Variants in TMEM201 observed in about 807,000 individuals in gnomAD.
TMEM201 encodes the protein transmembrane protein 201, also known as RP13-15M17.2.
Under a neutral mutation model 63.4 loss-of-function variants are expected in TMEM201, and 26 were observed. That is an observed-to-expected ratio of 0.41 (90% CI 0.30 to 0.57). The LOEUF is 0.57. Ranked by LOEUF, TMEM201 falls within the 20% of genes least tolerant of loss-of-function variation. The pLI, the probability that TMEM201 is intolerant of heterozygous loss-of-function variation, is 0.29. For missense variants in TMEM201, 794 were observed against 917.7 expected (o/e 0.87, Z 1.74); for synonymous variants, 417 against 421.6 (o/e 0.99, Z 0.14).
Position 9,602,933 on chromosome 1 carries a change from G to A in TMEM201, c.1160+661G>A, listed in dbSNP as rs149811501. On this transcript the variant is annotated intron_variant, in intron 6 of 10. Coordinates refer to ENST00000340381, the MANE Select transcript of TMEM201 (RefSeq NM_001130924.3). ...TGGCCTCCTGCTCCAAGACCCTCCC[G>A]AGTCCCCGGAAATGGAGAGTGCAGT... The A allele has an allele frequency of 2.4e-4, 232 of 985,588 alleles. No individual in the cohort carries two copies. In the African/African-American group the frequency reaches 3.4e-3, roughly 15 times the overall value. The allele number at this position is 985,588 out of a possible 1,614,324, so 61.1% of individuals were successfully genotyped here. A position where few individuals can be genotyped will look rare whatever the true frequency, so the allele number is the denominator to read the frequency against.
chr1:9,611,077 C>T lies in TMEM201; in HGVS notation c.1765+272C>T, dbSNP rs1050560339. The T allele has an allele frequency of 3.5e-5, 52 of 1,501,360 alleles. 1 individual carries two copies. The highest frequency in any genetic ancestry group is 4.2e-5 in the Non-Finnish European group (47 of 1,124,836). 93.0% of individuals were successfully genotyped at this position (1,501,360 alleles called of 1,614,324 possible). On this transcript the variant is annotated intron_variant, in intron 9 of 10. Coordinates refer to ENST00000340381, the MANE Select transcript of TMEM201 (RefSeq NM_001130924.3). ...AAAACACATCACGCATTGCCAGGTG[C>T]GTGTGGCCACAGATAGTTTCACTCA...
intron 4 of TMEM201, among the ~76,000 whole-genome samples, chr1:9,599,209 G>A (rs1644088237): frequency 6.6e-6 from 1 of 151,898 alleles, no homozygotes; most frequent in Non-Finnish European, 1.5e-5. Context: ...CAAAGTGCTG[G>A]GATTACAGGC....
chr1:9,598,838 G>A (rs1224801523), intron 4 of TMEM201, among the ~76,000 whole-genome samples: 4 of 151,904 alleles, frequency 2.6e-5, no homozygotes, highest in African/African-American at 4.8e-5. Flanking sequence ...TGGTAGAAAC[G>A]GGGTTTCTCC....
Position 9,596,887 on chromosome 1 carries a change from C to A in TMEM201, c.263C>A (p.Ala88Asp). The A allele has an allele frequency of 1.2e-6, 2 of 1,602,376 alleles. No homozygotes were observed. Among genetic ancestry groups the A allele is most frequent in the South Asian group, 1.1e-5 (1 of 90,496 alleles). Residue 88 changes from alanine (A) to aspartate (D), a missense_variant, in exon 3 of 11, where the codon GCC becomes GAC. Coordinates refer to ENST00000340381, the MANE Select transcript of TMEM201 (RefSeq NM_001130924.3). ...GGCGACTACAACAAGCCGATCCCCG[C>A]CCAGTACTTGGAGCACCTGAACCAC... ...ENGDYNKPIP[A>D]QYLEHLNHVV...
chr1:9,603,339 CATG>C lies in TMEM201; in HGVS notation c.1160+1069_1160+1071del, dbSNP rs1644182467. The stretch of plus-strand genomic sequence containing the variant: ...GCCAGCTCAGTGGGTGTGGGGATCA[CATG>C]AGGTGGCTCATGAGGACACACTCTG... On this transcript the variant is annotated intron_variant, in intron 6 of 10. Coordinates refer to ENST00000340381, the MANE Select transcript of TMEM201 (RefSeq NM_001130924.3). The surrounding 1 kb of genome is among the most constrained non-coding windows in gnomAD (Gnocchi z 4.5). The C allele has an allele frequency of 1.0e-6, 1 of 985,234 alleles. No homozygotes were observed. The highest frequency in any genetic ancestry group is 1.7e-5 in the African/African-American group (1 of 57,242). 61.0% of individuals were successfully genotyped at this position (985,234 alleles called of 1,614,324 possible). A position where few individuals can be genotyped will look rare whatever the true frequency, so the allele number is the denominator to read the frequency against.
Position 9,605,057 on chromosome 1 carries a change from G to A in TMEM201, c.1161-2500G>A, listed in dbSNP as rs1431662439. On this transcript the variant is annotated intron_variant, in intron 6 of 10. Transcript: ENST00000340381. The surrounding 1 kb of genome is among the most constrained non-coding windows in gnomAD (Gnocchi z 5.7). Reference sequence around the variant, plus strand: ...TGTTTGGGGTACAGACACGTCCACAGGAGTCAGGTTTGGGAGCCAGTGACA... The same window carrying A: ...TGTTTGGGGTACAGACACGTCCACAAGAGTCAGGTTTGGGAGCCAGTGACA... The A allele has an allele frequency of 1.0e-6, 1 of 981,916 alleles. No individual in the cohort carries two copies. Among genetic ancestry groups the A allele is most frequent in the African/African-American group, 1.7e-5 (1 of 57,174 alleles). The allele number at this position is 981,916 out of a possible 1,614,324, so 60.8% of individuals were successfully genotyped here. A position where few individuals can be genotyped will look rare whatever the true frequency, so the allele number is the denominator to read the frequency against.
chr1:9,595,365 G>A (rs1451030027), intron 1 of TMEM201, among the ~76,000 whole-genome samples: 1 of 152,206 alleles, frequency 6.6e-6, no homozygotes, highest in Non-Finnish European at 1.5e-5. Flanking sequence ...CACATCCTGG[G>A]ACTGTCTCTC....
rs1644074780 is a variant in TMEM201, at chr1:9,598,701, T to G, written c.606+76T>G. On this transcript the variant is annotated intron_variant, in intron 4 of 10. Coordinates refer to ENST00000340381, the MANE Select transcript of TMEM201 (RefSeq NM_001130924.3). ...GAAACCCTCCCAGGAGGCTGGGCACTAGTGACCAGAGGGTAGCTCTTCAGA... is the reference window on the plus strand; with the variant it reads ...GAAACCCTCCCAGGAGGCTGGGCACGAGTGACCAGAGGGTAGCTCTTCAGA... 4 of 1,456,402 alleles carry G rather than the reference T, an allele frequency of 2.7e-6. No individual in the cohort carries two copies. In the Admixed American group the frequency reaches 7.6e-5, roughly 28 times the overall value. The allele number at this position is 1,456,402 out of a possible 1,614,324, so 90.2% of individuals were successfully genotyped here. A position where few individuals can be genotyped will look rare whatever the true frequency, so the allele number is the denominator to read the frequency against.
At chr1:9,609,999 C>A in intron 8 of TMEM201, 88 bp downstream of exon 8, 1 of 1,259,812 alleles carries the variant, frequency 7.9e-7, no homozygotes, top group South Asian at 1.3e-5. Context: ...GCTTTGGGGT[C>A]AGACAGACCC....
rs759448369 is a variant in TMEM201, at chr1:9,605,919, T to G, written c.1161-1638T>G. Reference sequence around the variant, plus strand: ...CCTTTCACACATCCCCCAACGGTACTCTCAGGTCACTGGGGGACCTGGTCA... The same window carrying G: ...CCTTTCACACATCCCCCAACGGTACGCTCAGGTCACTGGGGGACCTGGTCA... On this transcript the variant is annotated intron_variant, in intron 6 of 10. Coordinates refer to ENST00000340381, the MANE Select transcript of TMEM201 (RefSeq NM_001130924.3). The surrounding 1 kb of genome is among the most constrained non-coding windows in gnomAD (Gnocchi z 5.7). Among the ~76,000 whole-genome samples, 2 of 152,154 alleles carry G rather than the reference T, an allele frequency of 1.3e-5. No individual in the cohort carries two copies. The highest frequency in any genetic ancestry group is 2.9e-5 in the Non-Finnish European group (2 of 68,014).
chr1:9,604,081 G>T lies in TMEM201; in HGVS notation c.1160+1809G>T. On this transcript the variant is annotated intron_variant, in intron 6 of 10. Coordinates refer to ENST00000340381, the MANE Select transcript of TMEM201 (RefSeq NM_001130924.3). This position sits in a 1 kb window ranked among gnomAD's most constrained non-coding sequence, Gnocchi z 4.1. Reference sequence around the variant, plus strand: ...CAAAGAGCCCATCTGAGAGAAGGACGTGGTGGAGCCAGGACGGGAAAGCGT... The same window carrying T: ...CAAAGAGCCCATCTGAGAGAAGGACTTGGTGGAGCCAGGACGGGAAAGCGT... 1.0e-6 allele frequency: 1 copy of T among 985,482 alleles called. No individual in the cohort carries two copies. Among genetic ancestry groups the T allele is most frequent in the Non-Finnish European group, 1.2e-6 (1 of 829,960 alleles). The allele number at this position is 985,482 out of a possible 1,614,324, so 61.0% of individuals were successfully genotyped here.
intron 3 of TMEM201, 31 bp from the exon 4 acceptor site, chr1:9,598,418 A>T (rs1406773242): frequency 3.1e-6 from 5 of 1,596,340 alleles, no homozygotes; most frequent in Non-Finnish European, 4.3e-6. Context: ...CCACCCCTGC[A>T]GATGCCGAGC....
At position 9,601,338 on chromosome 1, in the gene TMEM201, G is replaced by A; in HGVS notation, c.840G>A (p.Glu280=). ...GGCAGTTGCTGGGCCTACTCCCCGA[G>A]CACATGGCGGAGAAGCTGTGTGAGG... ...GWRQLLGLLP[E]HMAEKLCEAW... is the part of the protein sequence containing the mutation. The change falls in exon 5 of 11, where the codon GAG becomes GAA. Residue 280 remains glutamate, a synonymous_variant. Coordinates refer to ENST00000340381, the MANE Select transcript of TMEM201 (RefSeq NM_001130924.3). 6.2e-7 allele frequency: 1 copy of A among 1,608,362 alleles called. No individual in the cohort carries two copies. Among genetic ancestry groups the A allele is most frequent in the Non-Finnish European group, 8.5e-7 (1 of 1,179,878 alleles).
At chr1:9,606,870 T>C (rs532438053) in intron 6 of TMEM201, among the ~76,000 whole-genome samples, 1 of 152,232 alleles carries the variant, frequency 6.6e-6, no homozygotes, top group East Asian at 1.9e-4. Context: ...CTAAGTTCGG[T>C]TTTGGCGTTG....
Position 9,607,826 on chromosome 1 carries a change from T to A in TMEM201, c.1393+37T>A, listed in dbSNP as rs1339562869. Reference sequence around the variant, plus strand: ...CCAGGCATTGGCAGACAGTCAGGGCTAGGGGCAGCTGGGACAGAACTGTGG... The same window carrying A: ...CCAGGCATTGGCAGACAGTCAGGGCAAGGGGCAGCTGGGACAGAACTGTGG... On this transcript the variant is annotated intron_variant, in intron 7 of 10. Transcript: ENST00000340381. The surrounding 1 kb of genome is among the most constrained non-coding windows in gnomAD (Gnocchi z 5.4). The A allele has an allele frequency of 2.0e-6, 3 of 1,536,776 alleles. No individual in the cohort carries two copies. The highest frequency in any genetic ancestry group is 2.6e-6 in the Non-Finnish European group (3 of 1,136,238).
At chr1:9,606,374 G>A (rs1362971694) in intron 6 of TMEM201, 1 of 152,232 alleles carries the variant, frequency 6.6e-6, no homozygotes, top group African/African-American at 2.4e-5. Context: ...AAGTCCAGGT[G>A]GTCTCCTGGC....
Position 9,603,239 on chromosome 1 carries a change from G to T in TMEM201, c.1160+967G>T. On this transcript the variant is annotated intron_variant, in intron 6 of 10. Coordinates refer to ENST00000340381, the MANE Select transcript of TMEM201 (RefSeq NM_001130924.3). The surrounding 1 kb of genome is among the most constrained non-coding windows in gnomAD (Gnocchi z 4.5). ...ACCTGCTCCTCAGTAGCAGGGCCTG[G>T]CCAGGCCCCTGCTGTTCTCAGCCTC... 1 of 985,388 alleles carries T rather than the reference G, an allele frequency of 1.0e-6. No homozygotes were observed. The highest frequency in any genetic ancestry group is 6.1e-5 in the Admixed American group (1 of 16,278). The allele number at this position is 985,388 out of a possible 1,614,324, so 61.0% of individuals were successfully genotyped here.
Position 9,609,881 on chromosome 1 carries a change from G to T in TMEM201, c.1435G>T (p.Val479Leu). 2 of 1,551,472 alleles carry T rather than the reference G, an allele frequency of 1.3e-6. No homozygotes were observed. The highest frequency in any genetic ancestry group is 8.7e-7 in the Non-Finnish European group (1 of 1,146,980). The part of the protein sequence containing the change: ...LFSGSRPPSQ[V>L]SRSGEFPVSD... ...CAGCGGTAGCCGCCCACCATCTCAGGTGTCTCGATCTGGGGAGTTTCCTGT... is the reference window on the plus strand; with the variant it reads ...CAGCGGTAGCCGCCCACCATCTCAGTTGTCTCGATCTGGGGAGTTTCCTGT... The change falls in exon 8 of 11, where the codon GTG becomes TTG. Residue 479 changes from valine to leucine, a missense_variant. By Grantham distance (32) the Val-to-Leu change is conservative (BLOSUM62 1). Coordinates refer to ENST00000340381, the MANE Select transcript of TMEM201 (RefSeq NM_001130924.3).
intron 3 of TMEM201, among the ~76,000 whole-genome samples, 183 bp downstream of exon 3, chr1:9,597,236 G>A (rs1644042072): frequency 1.3e-5 from 2 of 152,252 alleles, no homozygotes; most frequent in Non-Finnish European, 2.9e-5. Flanking sequence ...GCACATTCCA[G>A]GATGTGTTAG....
Sources: gnomAD v4.1 joint callset for allele counts (sites outside exome capture counted in the v4.1 genomes callset) on GRCh38, gnomAD v4.1.1 for gene constraint, Gnocchi (gnomAD v3.1) non-coding constraint, MANE v1.5 for transcripts, NCBI Gene and HGNC (gene_info 2026-07-23, HGNC 2026-07-21) for gene names.